CCDC47: variants seen among roughly 807,000 people sequenced by gnomAD.
The protein encoded by CCDC47 is PAT complex subunit CCDC47.
A neutral mutation model predicts 60.5 loss-of-function variants in CCDC47; 41 were observed. That is an observed-to-expected ratio of 0.68 (90% CI 0.53 to 0.88). The LOEUF is 0.88. Among genes scored for constraint, CCDC47 ranks in the 40% least tolerant of loss-of-function variants. The probability of loss-of-function intolerance (pLI) is 0.00; values close to 1 mark genes in which losing one functional copy is unlikely to be tolerated. For missense variants in CCDC47, 513 were observed against 580.9 expected (o/e 0.88, Z 1.20); for synonymous variants, 195 against 190.7 (o/e 1.02, Z -0.18).
intron 1 of CCDC47, among the ~76,000 whole-genome samples, chr17:63,772,250 G>GTTTTTTTTTTTT (rs34509265): frequency 1.1e-5 from 1 of 90,536 alleles, no homozygotes; most frequent in Non-Finnish European, 2.0e-5. Context: ...TGTACCAAGG[G>GTTTTTTTTTTTT]TTTTTTTTTT....
At position 63,772,573 on chromosome 17, in the gene CCDC47, T is replaced by A. The variant is rs78674111; in HGVS notation, c.-20+839A>T. Among the ~76,000 whole-genome samples the A allele has an allele frequency of 9.4e-3, 1,419 of 151,718 alleles. 22 individuals carry two copies. The highest frequency in any genetic ancestry group is 0.032 in the African/African-American group (1,328 of 41,116). On this transcript the variant is annotated intron_variant, in intron 1 of 12. Transcript: ENST00000225726. ...CAGCCTCCTTTTCAAATCCTACTCTTAAAACTTTTTTTTCATATAGAAGCA... is the reference window on the plus strand; with the variant it reads ...CAGCCTCCTTTTCAAATCCTACTCTAAAAACTTTTTTTTCATATAGAAGCA...
rs1255874122 is a variant in CCDC47, at chr17:63,761,257, G to A, written c.642C>T (p.Cys214=). Residue 214 remains cysteine (C), a synonymous_variant, in exon 5 of 13, where the codon TGC becomes TGT. Transcript: ENST00000225726. ...IYNLWCSGRV[C]CEGMLIQLRF... ...TCAGCTGGATAAGCATGCCCTCACA[G>A]CACACTCGACCAGAACACCACAGGT... is the stretch of plus-strand genomic sequence containing the variant. 3.1e-6 allele frequency: 5 copies of A among 1,613,952 alleles called. No individual in the cohort carries two copies. Among genetic ancestry groups the A allele is most frequent in the Middle Eastern group, 1.6e-4 (1 of 6,084 alleles).
Position 63,754,442 on chromosome 17 carries a change from AT to A in CCDC47, c.1024del (p.Ile342LeufsTer9). The A allele has an allele frequency of 1.3e-6, 2 of 1,595,450 alleles. No individual in the cohort carries two copies. The highest frequency in any genetic ancestry group is 1.7e-6 in the Non-Finnish European group (2 of 1,165,102). On this transcript the variant is annotated frameshift_variant, in exon 9 of 13. Transcript: ENST00000225726. LOFTEE classifies it high-confidence loss of function. ...HFSDQFSGPK[I>X]MQEEGQPLKL... is the part of the protein sequence containing the mutation. The stretch of plus-strand genomic sequence containing the variant: ...TTTATCTTATACGTACTCTTGCATA[AT>A]TTTTGGACCAGAGAACTGGTCTGAA...
At chr17:63,753,760 A>T in intron 9 of CCDC47, 3 of 249,588 alleles carry the variant, frequency 1.2e-5, no homozygotes, top group Non-Finnish European at 1.3e-5. Flanking sequence ...AAACACACAG[A>T]TTTGTAATCA....
rs1320702319 is a variant in CCDC47 at position 63,760,953 on chromosome 17, A to G, written c.696T>C (p.Asn232=). The G allele has an allele frequency of 1.9e-6, 3 of 1,613,902 alleles. No homozygotes were observed. Among genetic ancestry groups the G allele is most frequent in the East Asian group, 2.2e-5 (1 of 44,878 alleles). The stretch of plus-strand genomic sequence containing the variant: ...CTGGCCTCATCATCCGGGCCAGGAC[A>G]TTCAGTAAGTCTTGTCTCTTGAGGA... The part of the protein sequence containing the change: ...LRFLKRQDLL[N]VLARMMRPVS... The change falls in exon 6 of 13, where the codon AAT becomes AAC. Residue 232 remains asparagine (N), a synonymous_variant. Coordinates refer to ENST00000225726, the MANE Select transcript of CCDC47 (RefSeq NM_020198.3).
chr17:63,761,715 C>T (rs1365795740), intron 4 of CCDC47: 1 of 453,556 alleles, frequency 2.2e-6, no homozygotes, highest in South Asian at 9.5e-5. Flanking sequence ...AAAAAGGAAA[C>T]AAGGCCGAAT....
chr17:63,746,936 T>C lies in CCDC47; in HGVS notation c.1397A>G (p.Lys466Arg). 6.2e-7 allele frequency: 1 copy of C among 1,613,674 alleles called. No homozygotes were observed. The highest frequency in any genetic ancestry group is 8.5e-7 in the Non-Finnish European group (1 of 1,179,792). The change falls in exon 13 of 13, where the codon AAG (lysine) becomes AGG (arginine). Residue 466 changes from lysine to arginine, a missense_variant. Physicochemically the swap from Lys to Arg is conservative, Grantham distance 26. Transcript: ENST00000225726. ...LEEAALRREQ[K>R]KLEKKQMKMK... ...TTTCATTTGCTTCTTTTCCAACTTC[T>C]TTTGCTCACGCCTCAATGCAGCCTC...
At chr17:63,771,455 G>T (rs1261296752) in intron 1 of CCDC47, among the ~76,000 whole-genome samples, 1 of 152,124 alleles carries the variant, frequency 6.6e-6, no homozygotes, top group African/African-American at 2.4e-5. Flanking sequence ...TTTTATACTA[G>T]TTGATCCTTC....
intron 4 of CCDC47, chr17:63,762,302 C>T (rs1051760373): frequency 1.1e-4 from 101 of 947,750 alleles, no homozygotes; most frequent in Non-Finnish European, 1.2e-4. Context: ...TATTTTTTTT[C>T]GAATTTCCTG....
At chr17:63,768,864 A>G (rs2039315436) in intron 1 of CCDC47, among the ~76,000 whole-genome samples, 1 of 152,014 alleles carries the variant, frequency 6.6e-6, no homozygotes, top group Non-Finnish European at 1.5e-5. Context: ...TAGGCAGATC[A>G]CTTGAGGTCA....
intron 1 of CCDC47, among the ~76,000 whole-genome samples, chr17:63,771,034 AAGG>A (rs2039336036): frequency 7.2e-6 from 1 of 137,954 alleles, no homozygotes; most frequent in Non-Finnish European, 1.5e-5. Context: ...GGAAGGAAGG[AAGG>A]AAGGAAGGAA....
chr17:63,759,145 A>G (rs879407829), intron 6 of CCDC47, among the ~76,000 whole-genome samples: 10 of 152,126 alleles, frequency 6.6e-5, no homozygotes, highest in Non-Finnish European at 1.5e-4. Flanking sequence ...GCCATGTTAG[A>G]AAAACTGAAA....
chr17:63,756,227 C>T lies in CCDC47; in HGVS notation c.948+13G>A, dbSNP rs1181442491. ...CCAAGGCCTGGCAAATGTATGTCTT[C>T]TGTCGCATTTACCTTTGTATCCATC... On this transcript the variant is annotated intron_variant, in intron 8 of 12. Coordinates refer to ENST00000225726, the MANE Select transcript of CCDC47 (RefSeq NM_020198.3). 6 of 1,577,842 alleles carry T rather than the reference C, an allele frequency of 3.8e-6. No individual in the cohort carries two copies. The highest frequency in any genetic ancestry group is 8.7e-7 in the Non-Finnish European group (1 of 1,146,992).
chr17:63,763,655 C>G (rs1285490673), intron 4 of CCDC47, among the ~76,000 whole-genome samples: 1 of 148,176 alleles, frequency 6.7e-6, no homozygotes, highest in Non-Finnish European at 1.5e-5. Flanking sequence ...GAAACCCCGA[C>G]TCTACTAAAA....
In CCDC47 at chr17:63,751,972, C is replaced by T; in HGVS notation, c.1339G>A (p.Glu447Lys). The change falls in exon 12 of 13, where the codon GAG becomes AAG. Residue 447 changes from glutamate to lysine, a missense_variant. By Grantham distance (56) the Glu-to-Lys change is moderately conservative. Transcript: ENST00000225726. ...KRAEKERIMN[E>K]EDPEKQRRLE... ...CTGCGCTGTTTCTCAGGATCTTCCT[C>T]ATTCATGATTCGCTCCTTCTCTGCT... 1.2e-6 allele frequency: 2 copies of T among 1,613,788 alleles called. No homozygotes were observed. The highest frequency in any genetic ancestry group is 1.7e-6 in the Non-Finnish European group (2 of 1,180,032).
rs549000111 is a variant in CCDC47 at position 63,758,699 on chromosome 17, CTGATA to C, written c.736-2134_736-2130del. ...TAAAAAATTATAAGCCTAAAAGAGT[CTGATA>C]TGATATATTTGTTATATTAATTACA... On this transcript the variant is annotated intron_variant, in intron 6 of 12. Transcript: ENST00000225726. 3.7e-3 allele frequency among the ~76,000 whole-genome samples: 561 copies of C among 152,006 alleles called. 3 individuals are homozygous for C. The highest frequency in any genetic ancestry group is 0.013 in the African/African-American group (524 of 41,452).
rs1287988677 is a variant in CCDC47 at position 63,756,253 on chromosome 17, A to G, written c.935T>C (p.Met312Thr). Residue 312 changes from methionine (M) to threonine (T), a missense_variant, in exon 8 of 13, where the codon ATG (methionine) becomes ACG (threonine). Met to Thr is a moderately conservative substitution (Grantham distance 81, BLOSUM62 -1). Transcript: ENST00000225726. ...LSEMGEVTDG[M>T]MDTKMVHFLT... is the part of the protein sequence containing the mutation. ...TGTCGCATTTACCTTTGTATCCATC[A>G]TTCCGTCTGTGACTTCTCCCATCTC... 1 of 1,612,906 alleles carries G rather than the reference A, an allele frequency of 6.2e-7. No homozygotes were observed. Among genetic ancestry groups the G allele is most frequent in the African/African-American group, 1.3e-5 (1 of 74,900 alleles).
intron 1 of CCDC47, among the ~76,000 whole-genome samples, chr17:63,768,162 T>C (rs562281195): frequency 6.6e-6 from 1 of 152,342 alleles, no homozygotes; most frequent in African/African-American, 2.4e-5. Flanking sequence ...AAAACTCCTT[T>C]GGCATTCACT....
In CCDC47 at chr17:63,746,515, C is replaced by G. The variant is rs1598303366; in HGVS notation, c.*366G>C. 5.9e-6 allele frequency: 1 copy of G among 168,776 alleles called. No individual in the cohort carries two copies. The highest frequency in any genetic ancestry group is 1.6e-4 in the East Asian group (1 of 6,062). The allele number at this position is 168,776 out of a possible 1,614,324, so 10.5% of individuals were successfully genotyped here. ...CTTGGTTTAAACAAAAAGCAACAAT[C>G]TGGTTATCTACCTATAAATTTCACG... On this transcript the variant is annotated 3_prime_UTR_variant, in exon 13 of 13. Coordinates refer to ENST00000225726, the MANE Select transcript of CCDC47 (RefSeq NM_020198.3).
Sources: allele counts gnomAD v4.1 joint callset (sites outside exome capture counted in the v4.1 genomes callset), GRCh38; gene constraint gnomAD v4.1.1; transcripts MANE v1.5; gene names NCBI Gene and HGNC (gene_info 2026-07-23, HGNC 2026-07-21).